Variants in ALK observed in about 807,000 individuals in gnomAD.
The protein encoded by ALK is ALK tyrosine kinase receptor.
A neutral mutation model predicts 163.1 loss-of-function variants in ALK; 74 were observed. The observed-to-expected ratio is 0.45, with a 90% CI of 0.38 to 0.55. The LOEUF (loss-of-function observed/expected upper bound fraction) is 0.55, where lower values mean the gene tolerates loss of function less well. Among genes scored for constraint, ALK ranks in the 20% least tolerant of loss-of-function variants. ALK has a pLI of 0.00. For synonymous variants in ALK, 960 were observed against 843.2 expected (o/e 1.14, Z -2.40); for missense variants, 2,063 against 2,105.3 (o/e 0.98, Z 0.39).
intron 1 of ALK, among the ~76,000 whole-genome samples, chr2:29,857,160 G>T (rs1418002949): frequency 6.6e-6 from 1 of 152,146 alleles, no homozygotes; most frequent in East Asian, 1.9e-4. Flanking sequence ...TTTCAGATTT[G>T]GCAGGTGACA....
chr2:29,415,408 CT>C (rs1669851773), intron 4 of ALK, among the ~76,000 whole-genome samples: 1 of 152,052 alleles, frequency 6.6e-6, no homozygotes, highest in African/African-American at 2.4e-5. Context: ...TTCTTTATCT[CT>C]AATCCACTGT....
In ALK at chr2:29,239,860, G is replaced by A. The variant is rs753413641; in HGVS notation, c.2205-30C>T. ...AATGGGACAAAGAACGTTGGCTCCC[G>A]CTGTGGTATGAAGACTGTCCCCCTT... On this transcript the variant is annotated intron_variant, in intron 12 of 28. Transcript: ENST00000389048. The A allele has an allele frequency of 7.0e-5, 113 of 1,607,034 alleles. No individual in the cohort carries two copies. In the Admixed American group the frequency reaches 1.6e-3, roughly 23 times the overall value.
intron 1 of ALK, among the ~76,000 whole-genome samples, chr2:29,908,926 A>C (rs1183148256): frequency 1.3e-5 from 2 of 152,178 alleles, no homozygotes; most frequent in Admixed American, 1.3e-4. Flanking sequence ...ACTTCATTCA[A>C]CTTGGCAAGT....
Position 29,637,983 on chromosome 2 carries a change from GA to G in ALK, c.952+56866del, listed in dbSNP as rs777246215. ...CGATACAGAATTTTGAAATAAACTT[GA>G]AAAAAAAATCAATGTATATGTCAAT... is the stretch of plus-strand genomic sequence containing the variant. On this transcript the variant is annotated intron_variant, in intron 3 of 28. Coordinates refer to ENST00000389048, the MANE Select transcript of ALK (RefSeq NM_004304.5). Among the ~76,000 whole-genome samples the G allele has an allele frequency of 2.8e-3, 420 of 150,108 alleles. 5 individuals carry two copies. In the Middle Eastern group the frequency reaches 0.034, roughly 12 times the overall value.
chr2:29,815,017 C>T (rs964210945), intron 1 of ALK, among the ~76,000 whole-genome samples: 21 of 147,688 alleles, frequency 1.4e-4, no homozygotes, highest in Non-Finnish European at 2.2e-4. Flanking sequence ...TGGACGGACT[C>T]GGCCTCAGTG....
rs922984121 is a variant in ALK, at chr2:29,667,669, T to A, written c.952+27181A>T. On this transcript the variant is annotated intron_variant, in intron 3 of 28. Transcript: ENST00000389048. The stretch of plus-strand genomic sequence containing the variant: ...TGGTCATGGTGAATAATATTTTTAA[T>A]GTATTGTTGAATTAGATTTGCCTAT... Among the ~76,000 whole-genome samples the A allele has an allele frequency of 5.3e-5, 8 of 152,240 alleles. 1 individual carries two copies. The South Asian group carries it at 1.2e-3, about 24-fold the overall frequency.
At position 29,707,617 on chromosome 2, in the gene ALK, A is replaced by G. The variant is rs536582895; in HGVS notation, c.787+9961T>C. On this transcript the variant is annotated intron_variant, in intron 2 of 28. Transcript: ENST00000389048. ...GGCAGGTGAAGAACTGATATTGCTT[A>G]ATTCAGTATAGTTGTATAAATTTTG... 5.9e-5 allele frequency among the ~76,000 whole-genome samples: 9 copies of G among 152,344 alleles called. No homozygotes were observed. In the South Asian group the frequency reaches 1.9e-3, roughly 32 times the overall value.
chr2:29,671,727 C>G (rs1304924680), intron 3 of ALK, among the ~76,000 whole-genome samples: 1 of 151,888 alleles, frequency 6.6e-6, no homozygotes, highest in Non-Finnish European at 1.5e-5. Context: ...GGTCCTGGGA[C>G]CTGTCTGATC....
At chr2:29,887,454 C>T in intron 1 of ALK, among the ~76,000 whole-genome samples, 1 of 152,192 alleles carries the variant, frequency 6.6e-6, no homozygotes, top group East Asian at 1.9e-4. Flanking sequence ...CTGTCCTATG[C>T]TCAGAAGTCA....
chr2:29,775,681 T>C (rs1681156923), intron 1 of ALK, among the ~76,000 whole-genome samples: 1 of 152,250 alleles, frequency 6.6e-6, no homozygotes, highest in Admixed American at 6.5e-5. Context: ...CCCCATTTAC[T>C]AGCTGGGTGA....
chr2:29,819,120 G>T (rs781061617), intron 1 of ALK, among the ~76,000 whole-genome samples: 2 of 152,184 alleles, frequency 1.3e-5, no homozygotes, highest in African/African-American at 4.8e-5. Flanking sequence ...CAGGGAGCCT[G>T]TTATAAATAA....
chr2:29,318,520 A>C (rs1666902497), intron 7 of ALK, 116 bp from the exon 8 acceptor site: 1 of 773,160 alleles, frequency 1.3e-6, no homozygotes, highest in Non-Finnish European at 2.3e-6. Context: ...CTTTGAGGAA[A>C]CAGGTTTCTG....
intron 4 of ALK, among the ~76,000 whole-genome samples, chr2:29,455,484 T>C (rs1670928894): frequency 6.6e-6 from 1 of 152,180 alleles, no homozygotes. Context: ...GCCATGCTAA[T>C]TACATCAACC....
chr2:29,854,857 C>A (rs1456238508), intron 1 of ALK, among the ~76,000 whole-genome samples: 1 of 152,174 alleles, frequency 6.6e-6, no homozygotes. Flanking sequence ...CATTGATGTG[C>A]GTGCATACTT....
At chr2:29,676,221 A>G (rs1677868105) in intron 3 of ALK, among the ~76,000 whole-genome samples, 1 of 152,010 alleles carries the variant, frequency 6.6e-6, no homozygotes, top group African/African-American at 2.4e-5. Flanking sequence ...CAATTTATCA[A>G]TGTCTTGCAT....
At chr2:29,329,510 C>T (rs1667376475) in intron 5 of ALK, among the ~76,000 whole-genome samples, 1 of 152,188 alleles carries the variant, frequency 6.6e-6, no homozygotes. Flanking sequence ...TACTCTCTGC[C>T]TTGTTTTCTA....
chr2:29,604,733 C>T (rs1381926857), intron 3 of ALK, among the ~76,000 whole-genome samples: 2 of 152,190 alleles, frequency 1.3e-5, no homozygotes, highest in African/African-American at 2.4e-5. Context: ...TGTTCTGGCA[C>T]CACATTGCTC....
intron 3 of ALK, among the ~76,000 whole-genome samples, chr2:29,688,810 G>C (rs1678310122): frequency 6.6e-6 from 1 of 152,104 alleles, no homozygotes; most frequent in Non-Finnish European, 1.5e-5. Context: ...TAAAATAAGA[G>C]GTTTGCTAAA....
chr2:29,482,455 G>T (rs1671685221), intron 4 of ALK, among the ~76,000 whole-genome samples: 1 of 152,138 alleles, frequency 6.6e-6, no homozygotes, highest in South Asian at 2.1e-4. Context: ...GAGGGAGGAG[G>T]TATCAAATTA....
Sources: allele counts gnomAD v4.1 joint callset (sites outside exome capture counted in the v4.1 genomes callset), GRCh38; gene constraint gnomAD v4.1.1; transcripts MANE v1.5; gene names NCBI Gene and HGNC (gene_info 2026-07-23, HGNC 2026-07-21).